The following SNTG1 variants were observed in gnomAD, a reference collection of about 807,000 sequenced individuals.
SNTG1 encodes gamma-1-syntrophin.
SNTG1 carries 39 observed loss-of-function variants against 74.7 expected under a neutral mutation model. The observed-to-expected ratio is 0.52, with a 90% CI of 0.40 to 0.68. SNTG1 has a LOEUF of 0.68. SNTG1 is among the 30% of genes least tolerant of loss of function. The probability of loss-of-function intolerance (pLI) is 0.00; values close to 1 mark genes in which losing one functional copy is unlikely to be tolerated. For missense variants in SNTG1, 685 were observed against 609.5 expected, an observed-to-expected ratio of 1.12 and a Z score of -1.30; for synonymous variants, 254 against 217.1, an observed-to-expected ratio of 1.17 and a Z score of -1.49.
At chr8:50,368,412 G>A (rs946415357) in intron 2 of SNTG1, among the ~76,000 whole-genome samples, 5 of 152,116 alleles carry the variant, frequency 3.3e-5, no homozygotes, top group African/African-American at 4.8e-5. Context: ...AAAAGACCCA[G>A]GACAAGGAGA....
chr8:50,348,262 G>C (rs149421918), intron 2 of SNTG1, among the ~76,000 whole-genome samples: 1 of 152,254 alleles, frequency 6.6e-6, no homozygotes, highest in East Asian at 1.9e-4. Context: ...AGGGGTGGTT[G>C]AGTGGTTATC....
intron 1 of SNTG1, among the ~76,000 whole-genome samples, chr8:49,927,505 G>T (rs539177669): frequency 6.6e-6 from 1 of 152,136 alleles, no homozygotes; most frequent in African/African-American, 2.4e-5. Context: ...AAGAAGTTGA[G>T]AATATATTTT....
At chr8:50,125,438 A>G (rs969186772) in intron 1 of SNTG1, among the ~76,000 whole-genome samples, 2 of 142,544 alleles carry the variant, frequency 1.4e-5, no homozygotes, top group East Asian at 4.0e-4. Flanking sequence ...GTTTCTTTAA[A>G]TAGACATTAG....
chr8:50,154,542 C>T (rs901715696), intron 1 of SNTG1, among the ~76,000 whole-genome samples: 15 of 152,102 alleles, frequency 9.9e-5, no homozygotes, highest in South Asian at 6.2e-4. Flanking sequence ...ACCCAGCAGA[C>T]GCCACTGTAA....
At chr8:50,074,956 G>T (rs942172754) in intron 1 of SNTG1, among the ~76,000 whole-genome samples, 1 of 152,220 alleles carries the variant, frequency 6.6e-6, no homozygotes, top group Non-Finnish European at 1.5e-5. Context: ...CACACTTGGA[G>T]CGGCCTGCCG....
intron 2 of SNTG1, among the ~76,000 whole-genome samples, chr8:50,242,527 CAAAA>C (rs773542089): frequency 1.9e-4 from 6 of 30,956 alleles, no homozygotes; most frequent in Non-Finnish European, 2.5e-4. Flanking sequence ...GAATCCATCT[CAAAA>C]AAAAAAAAAA....
intron 1 of SNTG1, among the ~76,000 whole-genome samples, chr8:49,995,956 A>G (rs1433563878): frequency 1.3e-5 from 2 of 152,246 alleles, no homozygotes; most frequent in Non-Finnish European, 2.9e-5. Flanking sequence ...TAATGAATCT[A>G]TAACTTCATG....
chr8:50,565,460 T>TACAG (rs2094511284), intron 12 of SNTG1, among the ~76,000 whole-genome samples: 1 of 152,094 alleles, frequency 6.6e-6, no homozygotes, highest in Non-Finnish European at 1.5e-5. Context: ...AACTGTATGT[T>TACAG]TTTTGTAAAT....
At chr8:50,109,688 T>A (rs2080508028) in intron 1 of SNTG1, among the ~76,000 whole-genome samples, 1 of 152,122 alleles carries the variant, frequency 6.6e-6, no homozygotes, top group Non-Finnish European at 1.5e-5. Context: ...CGGTTCTTGG[T>A]CTTACTTGGG....
Position 50,023,163 on chromosome 8 carries a change from C to T in SNTG1, c.-103+110932C>T, listed in dbSNP as rs563242893. Among the ~76,000 whole-genome samples the T allele has an allele frequency of 1.7e-3, 257 of 152,160 alleles. 4 individuals carry two copies. The highest frequency in any genetic ancestry group is 6.8e-3 in the Middle Eastern group (2 of 294). On this transcript the variant is annotated intron_variant, in intron 1 of 18. Transcript: ENST00000642720. ...AGAACAGAGTTTGTTTGATATCCAT[C>T]GACAGGGAGCCTGTGGAGAGGGACA...
chr8:50,785,867 A>G (rs1234359431), intron 18 of SNTG1, among the ~76,000 whole-genome samples: 3 of 152,038 alleles, frequency 2.0e-5, no homozygotes, highest in African/African-American at 7.2e-5. Context: ...ATATCTTAAA[A>G]TCAATCAGAG....
chr8:50,419,355 C>A (rs1359569580), intron 4 of SNTG1, among the ~76,000 whole-genome samples: 1 of 152,188 alleles, frequency 6.6e-6, no homozygotes, highest in African/African-American at 2.4e-5. Flanking sequence ...CACCAGGCTG[C>A]ACTGATGTTC....
At chr8:50,502,388 A>G (rs1444605962) in intron 8 of SNTG1, among the ~76,000 whole-genome samples, 1 of 152,168 alleles carries the variant, frequency 6.6e-6, no homozygotes, top group Non-Finnish European at 1.5e-5. Context: ...TCCAAAGCTT[A>G]TCCAATTTAT....
Position 50,287,959 on chromosome 8 carries a change from A to C in SNTG1, c.-27-106253A>C, listed in dbSNP as rs567426648. Reference sequence around the variant, plus strand: ...CAGGCTCATTGCAAACGTCATCTCTATGAAGCAATTCTGACTTTCTGCTAT... The same window carrying C: ...CAGGCTCATTGCAAACGTCATCTCTCTGAAGCAATTCTGACTTTCTGCTAT... On this transcript the variant is annotated intron_variant, in intron 2 of 18. Coordinates refer to ENST00000642720, the MANE Select transcript of SNTG1 (RefSeq NM_018967.5). 2.1e-4 allele frequency among the ~76,000 whole-genome samples: 32 copies of C among 152,272 alleles called. No homozygotes were observed. The South Asian group carries it at 5.8e-3, about 28-fold the overall frequency.
At position 50,175,277 on chromosome 8, in the gene SNTG1, G is replaced by C. The variant is rs2082956336; in HGVS notation, c.-28+2642G>C. ...GGTATTTCTAGTTCTAGATCCCTGA[G>C]GAATCGCCACACCGAAGCAGCAGCG... is the stretch of plus-strand genomic sequence containing the variant. On this transcript the variant is annotated intron_variant, in intron 2 of 18. Coordinates refer to ENST00000642720, the MANE Select transcript of SNTG1 (RefSeq NM_018967.5). 2.0e-5 allele frequency among the ~76,000 whole-genome samples: 3 copies of C among 152,130 alleles called. No individual in the cohort carries two copies. The South Asian group carries it at 6.2e-4, about 32-fold the overall frequency.
In SNTG1 at chr8:50,347,968, G is replaced by A. The variant is rs2091531526; in HGVS notation, c.-27-46244G>A. On this transcript the variant is annotated intron_variant, in intron 2 of 18. Transcript: ENST00000642720. Reference sequence around the variant, plus strand: ...TATGATATAATGTTACAGGATGTTTGCTTTCACTTCCCCAAGAAACATTTT... The same window carrying A: ...TATGATATAATGTTACAGGATGTTTACTTTCACTTCCCCAAGAAACATTTT... Among the ~76,000 whole-genome samples, 27 of 152,126 alleles carry A rather than the reference G, an allele frequency of 1.8e-4. 2 individuals carry two copies. The highest frequency in any genetic ancestry group is 5.2e-4 in the Admixed American group (8 of 15,276).
chr8:50,454,360 G>A (rs2093483815), intron 8 of SNTG1, among the ~76,000 whole-genome samples: 1 of 151,872 alleles, frequency 6.6e-6, no homozygotes, highest in South Asian at 2.1e-4. Context: ...AGCTGGGTGT[G>A]GTGGCATGCA....
Position 50,704,726 on chromosome 8 carries a change from A to C in SNTG1, c.1165A>C (p.Thr389Pro). ...AQWERAFQTA[T>P]FLEVERIQCK... Reference sequence around the variant, plus strand: ...GTGGGAAAGAGCCTTCCAGACAGCAACCTTTCTAGAAGTAGAACGGATACA... The same window carrying C: ...GTGGGAAAGAGCCTTCCAGACAGCACCCTTTCTAGAAGTAGAACGGATACA... The change falls in exon 16 of 19, where the codon ACC becomes CCC. Residue 389 changes from threonine to proline, a missense_variant. Coordinates refer to ENST00000642720, the MANE Select transcript of SNTG1 (RefSeq NM_018967.5). 1 of 1,614,086 alleles carries C rather than the reference A, an allele frequency of 6.2e-7. No individual in the cohort carries two copies. The highest frequency in any genetic ancestry group is 8.5e-7 in the Non-Finnish European group (1 of 1,180,002).
At chr8:50,379,911 T>G (rs1197090454) in intron 2 of SNTG1, among the ~76,000 whole-genome samples, 2 of 152,140 alleles carry the variant, frequency 1.3e-5, no homozygotes, top group East Asian at 3.9e-4. Context: ...GGAATGTGAA[T>G]GGGCTTGATG....
Sources: allele counts gnomAD v4.1 joint callset (sites outside exome capture counted in the v4.1 genomes callset), GRCh38; gene constraint gnomAD v4.1.1; transcripts MANE v1.5; gene names NCBI Gene and HGNC (gene_info 2026-07-23, HGNC 2026-07-21).